The following SEC16B variants were observed in gnomAD, a reference collection of about 807,000 sequenced individuals.
SEC16B encodes the protein SEC16 homolog B, endoplasmic reticulum export factor.
In SEC16B, 115 loss-of-function variants were observed where a neutral mutation model predicts 141.8. That is an observed-to-expected ratio of 0.81 (90% confidence interval 0.70 to 0.95). The LOEUF (loss-of-function observed/expected upper bound fraction) is 0.95, where lower values mean the gene tolerates loss of function less well. SEC16B is among the 40% of genes least tolerant of loss of function. SEC16B has a pLI of 0.00. For missense variants in SEC16B, 1,291 were observed against 1,312.3 expected, an observed-to-expected ratio of 0.98 and a Z score of 0.25; for synonymous variants, 493 against 492.5, an observed-to-expected ratio of 1.00 and a Z score of -0.01.
upstream of SEC16B, among the ~76,000 whole-genome samples, chr1:177,974,013 T>C (rs921459791): frequency 3.3e-5 from 5 of 152,104 alleles, no homozygotes; most frequent in Non-Finnish European, 7.3e-5. Flanking sequence ...TATATATATG[T>C]TTATAAAATA....
chr1:177,983,880 A>G (rs1384483284), intron 1 of SEC16B, among the ~76,000 whole-genome samples: 1 of 152,196 alleles, frequency 6.6e-6, no homozygotes, highest in Non-Finnish European at 1.5e-5. Context: ...AGTAAGTTGA[A>G]ATCACGTGTT....
intron 11 of SEC16B, among the ~76,000 whole-genome samples, chr1:177,953,626 T>C (rs1652373699): frequency 6.6e-6 from 1 of 152,180 alleles, no homozygotes; most frequent in African/African-American, 2.4e-5. Flanking sequence ...CATCTCCTTA[T>C]TCCAAACTCC....
chr1:177,954,843 T>C (rs1256626864), intron 10 of SEC16B, among the ~76,000 whole-genome samples: 1 of 152,134 alleles, frequency 6.6e-6, no homozygotes, highest in Non-Finnish European at 1.5e-5. Flanking sequence ...TACATATATA[T>C]CATGTCGTAT....
At chr1:177,950,531 C>T (rs1385011880) in intron 12 of SEC16B, among the ~76,000 whole-genome samples, 2 of 152,100 alleles carry the variant, frequency 1.3e-5, no homozygotes, top group Admixed American at 6.5e-5. Flanking sequence ...TATACAAATA[C>T]ACCCTAAGAC....
rs1315478884 is a variant in SEC16B, at chr1:177,954,205, C to T, written c.1463+74G>A. ...CTCCTTAGCGCGTCTGACATTTCTC[C>T]ACACCCTCATCCTCCACCTTTGGTG... On this transcript the variant is annotated intron_variant, in intron 11 of 25. Transcript: ENST00000308284. The T allele has an allele frequency of 6.2e-6, 7 of 1,127,392 alleles. No individual in the cohort carries two copies. In the East Asian group the frequency reaches 1.8e-4, roughly 29 times the overall value. 69.8% of individuals were successfully genotyped at this position (1,127,392 alleles called of 1,614,324 possible). A position where few individuals can be genotyped will look rare whatever the true frequency, so the allele number is the denominator to read the frequency against.
rs1226125983 is a variant in SEC16B at position 177,961,372 on chromosome 1, TA to T, written c.787+217del. 8 of 544,816 alleles carry T rather than the reference TA, an allele frequency of 1.5e-5. No homozygotes were observed. In the Admixed American group the frequency reaches 1.5e-4, roughly 10 times the overall value. The allele number at this position is 544,816 out of a possible 1,614,324, so 33.7% of individuals were successfully genotyped here. ...CCTCCTTTCCCAACTTGATAATGGA[TA>T]GGGGCAGTGTTCCCTTCCAGGAATC... On this transcript the variant is annotated intron_variant, in intron 6 of 25. Transcript: ENST00000308284.
At chr1:177,950,989 G>GGGGAGGGAGGACA (rs1429634678) in intron 12 of SEC16B, among the ~76,000 whole-genome samples, 1 of 119,242 alleles carries the variant, frequency 8.4e-6, no homozygotes. Flanking sequence ...AGGGAGGGGA[G>GGGGAGGGAGGACA]GGGAGGGAGG....
At chr1:177,958,580 A>G (rs1652812119) in intron 9 of SEC16B, among the ~76,000 whole-genome samples, 1 of 152,178 alleles carries the variant, frequency 6.6e-6, no homozygotes, top group Admixed American at 6.5e-5. Context: ...TACCAGAAAC[A>G]TTCACAATTT....
At chr1:177,940,788 A>T in intron 16 of SEC16B, 74 bp from the exon 17 acceptor site, 1 of 959,880 alleles carries the variant, frequency 1.0e-6, no homozygotes, top group Non-Finnish European at 1.6e-6. Flanking sequence ...AGAAATGGAA[A>T]GACAACGGGG....
At chr1:177,933,768 G>T (rs1396862925) in intron 20 of SEC16B, 132 bp from the exon 21 acceptor site, 3 of 903,776 alleles carry the variant, frequency 3.3e-6, no homozygotes, top group Admixed American at 2.6e-5. Flanking sequence ...GTACTGAAGA[G>T]GAAGGAAGGC....
In SEC16B at chr1:177,983,978, T is replaced by C. The variant is rs955041775; in HGVS notation, c.-59+228A>G. Among the ~76,000 whole-genome samples, 11 of 152,320 alleles carry C rather than the reference T, an allele frequency of 7.2e-5. No individual in the cohort carries two copies. The South Asian group carries it at 2.1e-3, about 29-fold the overall frequency. ...ACTCCAAGGAGTTAGGGTTGGAAAT[T>C]GGCATTAGCCACAGCTGAAGTTAGT... On this transcript the variant is annotated intron_variant and NMD_transcript_variant, in intron 1 of 24. Transcript: ENST00000528461.
At chr1:177,964,366 A>T in intron 4 of SEC16B, 87 bp from the exon 5 acceptor site, 1 of 888,414 alleles carries the variant, frequency 1.1e-6, no homozygotes, top group South Asian at 1.7e-5. Flanking sequence ...GACCTGCTCC[A>T]AAGCGTGGGC....
At chr1:177,947,064 G>A (rs959042480) in intron 13 of SEC16B, among the ~76,000 whole-genome samples, 2 of 152,174 alleles carry the variant, frequency 1.3e-5, no homozygotes, top group Non-Finnish European at 2.9e-5. Flanking sequence ...TGGCCCCCAA[G>A]AAGGGCTCAA....
intron 1 of SEC16B, among the ~76,000 whole-genome samples, chr1:177,982,058 C>T (rs1654440420): frequency 6.6e-6 from 1 of 152,086 alleles, no homozygotes; most frequent in South Asian, 2.1e-4. Flanking sequence ...AAAGTCAGAA[C>T]AGCATCAAAG....
chr1:177,978,250 G>C (rs1191600628), intron 1 of SEC16B, among the ~76,000 whole-genome samples: 1 of 152,202 alleles, frequency 6.6e-6, no homozygotes, highest in Non-Finnish European at 1.5e-5. Context: ...TGAGATTGTT[G>C]TAGAATAAAT....
At chr1:177,965,759 G>A in intron 3 of SEC16B, 134 bp downstream of exon 3, 1 of 591,004 alleles carries the variant, frequency 1.7e-6, no homozygotes, top group East Asian at 2.8e-5. Flanking sequence ...GAGTGTTTCT[G>A]CTATGGTCTC....
chr1:177,958,041 T>C (rs1571337627), intron 10 of SEC16B, 91 bp downstream of exon 10: 2 of 858,020 alleles, frequency 2.3e-6, no homozygotes, highest in East Asian at 3.1e-5. Flanking sequence ...GAAATGAGTA[T>C]ATACTATTCA....
chr1:177,974,792 G>A (rs756394035), upstream of SEC16B, among the ~76,000 whole-genome samples: 2 of 152,170 alleles, frequency 1.3e-5, no homozygotes, highest in Non-Finnish European at 2.9e-5. Flanking sequence ...TTGGTTTAGG[G>A]TGGACTAGAC....
chr1:177,941,985 G>C lies in SEC16B; in HGVS notation c.1937C>G (p.Ala646Gly). The C allele has an allele frequency of 6.2e-7, 1 of 1,614,030 alleles. No individual in the cohort carries two copies. The highest frequency in any genetic ancestry group is 8.5e-7 in the Non-Finnish European group (1 of 1,179,884). The change falls in exon 16 of 26, where the codon GCT becomes GGT. Residue 646 changes from alanine (A) to glycine (G), a missense_variant. Coordinates refer to ENST00000308284, the MANE Select transcript of SEC16B (RefSeq NM_033127.4). ...RLADYGLVSQALHYCEAIGAA... is the reference protein window; with the variant it reads ...RLADYGLVSQGLHYCEAIGAA... ...ACCAATGGCTTCGCAGTAATGCAAA[G>C]CCTGGGACACGAGGCCATAATCTGC... is the stretch of plus-strand genomic sequence containing the variant.
Sources: gnomAD v4.1 joint callset for allele counts (sites outside exome capture counted in the v4.1 genomes callset) on GRCh38, gnomAD v4.1.1 for gene constraint, MANE v1.5 for transcripts, NCBI Gene and HGNC (gene_info 2026-07-23, HGNC 2026-07-21) for gene names.